The following PHF8 variants were observed in gnomAD, a reference collection of about 807,000 sequenced individuals.
PHF8 encodes histone lysine demethylase PHF8.
A neutral mutation model predicts 74.4 loss-of-function variants in PHF8; 9 were observed. That is an observed-to-expected ratio of 0.12 (90% confidence interval 0.07 to 0.21). PHF8 has a LOEUF of 0.21. Among genes scored for constraint, PHF8 ranks in the 10% least tolerant of loss-of-function variants. The pLI, the probability that PHF8 is intolerant of heterozygous loss-of-function variation, is 1.00. For synonymous variants in PHF8, 311 were observed against 316.6 expected (o/e 0.98, Z 0.19); for missense variants, 478 against 816.6 (o/e 0.59, Z 5.05).
At chrX:53,967,635 C>T (rs1373392435) in intron 18 of PHF8, among the ~76,000 whole-genome samples, 1 of 114,578 alleles carries the variant, frequency 8.7e-6, no homozygotes, top group East Asian at 2.7e-4. Context: ...TCATTGAGAA[C>T]GGGCCATGAT....
intron 19 of PHF8, among the ~76,000 whole-genome samples, chrX:53,952,692 G>A (rs1383486877): frequency 1.8e-5 from 2 of 108,667 alleles, no homozygotes; most frequent in African/African-American, 6.7e-5. Flanking sequence ...CACCATCCTG[G>A]CTAACACGGT....
intron 2 of PHF8, among the ~76,000 whole-genome samples, chrX:54,023,181 T>C (rs1199831552): frequency 2.7e-5 from 3 of 111,037 alleles, no homozygotes; most frequent in African/African-American, 9.8e-5. Context: ...TTCACCACAT[T>C]GGCCAGGCTG....
chrX:53,938,597 C>G lies in PHF8; in HGVS notation c.*561G>C. On this transcript the variant is annotated 3_prime_UTR_variant, in exon 22 of 22. Coordinates refer to ENST00000338154, the MANE Select transcript of PHF8 (RefSeq NM_015107.3). ...GTGGGGCAGGAAGGAGGCTCTAGGC[C>G]TTCCTCTTCATTTCCATGAAGCATT... The G allele has an allele frequency of 1.3e-6, 1 of 757,751 alleles. No individual in the cohort carries two copies. Among genetic ancestry groups the G allele is most frequent in the Non-Finnish European group, 1.6e-6 (1 of 641,654 alleles). The allele number at this position is 757,751 out of a possible 1,213,427, so 62.4% of individuals were successfully genotyped here.
At chrX:54,024,723 T>C (rs1447076534) in intron 2 of PHF8, among the ~76,000 whole-genome samples, 1 of 112,179 alleles carries the variant, frequency 8.9e-6, no homozygotes, top group Non-Finnish European at 1.9e-5. Flanking sequence ...TACAGGTCTG[T>C]GGTAAGTACA....
At chrX:53,984,354 A>C (rs1557098865) in intron 18 of PHF8, among the ~76,000 whole-genome samples, 1 of 112,097 alleles carries the variant, frequency 8.9e-6, no homozygotes, top group Non-Finnish European at 1.9e-5. Flanking sequence ...TTAATGAGGG[A>C]GATTCTGTCT....
chrX:54,003,154 AT>A (rs1411132063), intron 8 of PHF8, among the ~76,000 whole-genome samples: 3 of 112,578 alleles, frequency 2.7e-5, no homozygotes, highest in African/African-American at 9.7e-5. Flanking sequence ...TGGGCTTATA[AT>A]TATTTTTTAA....
chrX:53,973,506 A>C (rs1416388882), intron 18 of PHF8, among the ~76,000 whole-genome samples: 1 of 111,354 alleles, frequency 9.0e-6, no homozygotes, highest in Non-Finnish European at 1.9e-5. Context: ...ACACACATCT[A>C]ATCTTCGACA....
chrX:53,960,211 G>A (rs1251050917), intron 19 of PHF8, among the ~76,000 whole-genome samples: 11 of 107,746 alleles, frequency 1.0e-4, no homozygotes, highest in African/African-American at 3.7e-4. Flanking sequence ...GAGTAGCTGG[G>A]ACTACAGGCG....
intron 2 of PHF8, among the ~76,000 whole-genome samples, chrX:54,028,269 A>G (rs782800071): frequency 1.8e-5 from 2 of 111,306 alleles, no homozygotes; most frequent in South Asian, 7.6e-4. Flanking sequence ...GAGGACAGTA[A>G]TAAGTCAGAA....
In PHF8 at chrX:54,008,151, G is replaced by A. The variant is rs183025587; in HGVS notation, c.946+2971C>T. ...TGGGAGGCTGAGGCAGACAGATCAC[G>A]TGGTCAACAGATTGAGACCATCCTG... On this transcript the variant is annotated intron_variant, in intron 8 of 21. Coordinates refer to ENST00000338154, the MANE Select transcript of PHF8 (RefSeq NM_015107.3). 3.6e-3 allele frequency among the ~76,000 whole-genome samples: 395 copies of A among 109,914 alleles called. 2 individuals are homozygous for A. The highest frequency in any genetic ancestry group is 0.012 in the African/African-American group (371 of 30,209).
chrX:53,996,185 C>T (rs947111512), intron 11 of PHF8, among the ~76,000 whole-genome samples: 2 of 109,865 alleles, frequency 1.8e-5, no homozygotes, highest in African/African-American at 6.6e-5. Context: ...GGTACCATCT[C>T]GGCTTGCTGC....
At chrX:54,012,976 G>A (rs2066005592) in intron 7 of PHF8, among the ~76,000 whole-genome samples, 1 of 107,996 alleles carries the variant, frequency 9.3e-6, no homozygotes, top group Non-Finnish European at 1.9e-5. Context: ...AAATTAGCTG[G>A]GAGTGATGGC....
intron 19 of PHF8, 96 bp downstream of exon 19, chrX:53,962,748 A>T: frequency 1.8e-6 from 1 of 566,360 alleles, no homozygotes. Context: ...CAAATGAGTG[A>T]CTGAATCAGG....
At chrX:54,021,339 T>C (rs1181276866) in intron 4 of PHF8, among the ~76,000 whole-genome samples, 7 of 110,178 alleles carry the variant, frequency 6.4e-5, no homozygotes, top group African/African-American at 2.3e-4. Context: ...TACTGGGTAC[T>C]ATGTTCACTA....
intron 14 of PHF8, among the ~76,000 whole-genome samples, chrX:53,991,399 T>C (rs2065657508): frequency 9.0e-6 from 1 of 111,423 alleles, no homozygotes; most frequent in Non-Finnish European, 1.9e-5. Context: ...TGTTGGCTCA[T>C]GCCTGTAATC....
chrX:54,026,384 T>C (rs1237872904), intron 2 of PHF8, among the ~76,000 whole-genome samples: 1 of 106,485 alleles, frequency 9.4e-6, no homozygotes, highest in Non-Finnish European at 1.9e-5. Flanking sequence ...ATCTGGATCA[T>C]GCTGCCTGAC....
chrX:53,980,866 T>C (rs2065469188), intron 18 of PHF8, among the ~76,000 whole-genome samples: 1 of 112,656 alleles, frequency 8.9e-6, no homozygotes, highest in Non-Finnish European at 1.9e-5. Context: ...ACAGACTATG[T>C]TTGAAGACAG....
intron 19 of PHF8, among the ~76,000 whole-genome samples, chrX:53,949,811 CAAAAAAAAAA>C (rs11353359): frequency 4.1e-5 from 1 of 24,349 alleles, no homozygotes; most frequent in East Asian, 1.3e-3. Context: ...GACTCCGTCT[CAAAAAAAAAA>C]AAAAAAAAAA....
intron 11 of PHF8, among the ~76,000 whole-genome samples, chrX:53,997,686 C>A (rs1380321969): frequency 8.9e-6 from 1 of 111,736 alleles, no homozygotes; most frequent in Non-Finnish European, 1.9e-5. Context: ...ATCCCTTGGT[C>A]CCTGGGTCCA....
Sources: allele counts gnomAD v4.1 joint callset (sites outside exome capture counted in the v4.1 genomes callset), GRCh38; gene constraint gnomAD v4.1.1; transcripts MANE v1.5; gene names NCBI Gene and HGNC (gene_info 2026-07-23, HGNC 2026-07-21).